The following ABCD3 variants were observed in gnomAD, a reference collection of about 807,000 sequenced individuals.
ABCD3 encodes the protein ATP binding cassette subfamily D member 3.
Under a neutral mutation model 105.5 loss-of-function variants are expected in ABCD3, and 41 were observed. The observed-to-expected ratio is 0.39, with a 90% CI of 0.30 to 0.50. ABCD3 has a LOEUF of 0.50. Ranked by LOEUF, ABCD3 falls within the 20% of genes least tolerant of loss-of-function variation. The pLI, the probability that ABCD3 is intolerant of heterozygous loss-of-function variation, is 0.84. For synonymous variants in ABCD3, 258 were observed against 269.0 expected (o/e 0.96, Z 0.40); for missense variants, 622 against 806.3 (o/e 0.77, Z 2.77).
chr1:94,456,733 A>G (rs377115122), intron 1 of ABCD3, among the ~76,000 whole-genome samples: 38 of 152,178 alleles, frequency 2.5e-4, no homozygotes, highest in African/African-American at 8.9e-4. Flanking sequence ...CCTCTTTGAG[A>G]TACTGATTTC....
intron 1 of ABCD3, among the ~76,000 whole-genome samples, chr1:94,423,830 A>G (rs1659364757): frequency 6.6e-6 from 1 of 151,946 alleles, no homozygotes; most frequent in South Asian, 2.1e-4. Context: ...GTTACTGCTA[A>G]CCCCTCTACA....
chr1:94,447,189 G>A (rs960304921), intron 1 of ABCD3, among the ~76,000 whole-genome samples: 2 of 152,166 alleles, frequency 1.3e-5, no homozygotes, highest in East Asian at 3.8e-4. Context: ...AGAAACTGGA[G>A]GCTTTAGAGA....
In ABCD3 at chr1:94,498,978, C is replaced by G; in HGVS notation, c.1564C>G (p.Gln522Glu). 1.9e-6 allele frequency: 3 copies of G among 1,613,874 alleles called. No homozygotes were observed. The highest frequency in any genetic ancestry group is 2.5e-6 in the Non-Finnish European group (3 of 1,179,948). ...PYMTLGTLRD[Q>E]VIYPDGREDQ... The stretch of plus-strand genomic sequence containing the variant: ...CATGACCCTTGGAACACTTCGAGAT[C>G]AAGTGATATATCCAGATGGACGAGA... The change falls in exon 19 of 23, where the codon CAA becomes GAA. Residue 522 changes from glutamine (Q) to glutamate (E), a missense_variant. Around this residue, in one of 4 missense-constraint regions of ABCD3, gnomAD observed 285 missense variants for 352.5 expected, o/e 0.81. Transcript: ENST00000370214.
intron 5 of ABCD3, among the ~76,000 whole-genome samples, chr1:94,474,816 G>A (rs567772786): frequency 1.7e-4 from 26 of 151,338 alleles, no homozygotes; most frequent in African/African-American, 6.3e-4. Context: ...AAATATAAAT[G>A]TCTGAACTCC....
intron 1 of ABCD3, among the ~76,000 whole-genome samples, chr1:94,424,025 G>A (rs1301066847): frequency 6.6e-6 from 1 of 152,140 alleles, no homozygotes; most frequent in African/African-American, 2.4e-5. Context: ...CCCATGAGTA[G>A]ATGTTATATG....
At chr1:94,422,667 G>C (rs1659304299) in intron 1 of ABCD3, among the ~76,000 whole-genome samples, 1 of 152,166 alleles carries the variant, frequency 6.6e-6, no homozygotes, top group Non-Finnish European at 1.5e-5. Context: ...TTTATAGAGA[G>C]GATAAATGAC....
At chr1:94,509,704 G>C (rs1333653582) in intron 21 of ABCD3, among the ~76,000 whole-genome samples, 1 of 151,974 alleles carries the variant, frequency 6.6e-6, no homozygotes, top group African/African-American at 2.4e-5. Flanking sequence ...ACTTCTTCCT[G>C]GTTTAGTCTT....
At chr1:94,417,457 A>G (rs1269758341), upstream of ABCD3, among the ~76,000 whole-genome samples, 2 of 152,236 alleles carry the variant, frequency 1.3e-5, no homozygotes, top group African/African-American at 4.8e-5. Context: ...GTTACTGTAT[A>G]TATGCTAGGC....
At chr1:94,450,514 A>G (rs1660539808) in intron 1 of ABCD3, among the ~76,000 whole-genome samples, 1 of 152,270 alleles carries the variant, frequency 6.6e-6, no homozygotes, top group South Asian at 2.1e-4. Context: ...AGCATGAGCG[A>G]TCTGTGCCTT....
chr1:94,496,040 A>T (rs1050982827), intron 16 of ABCD3, among the ~76,000 whole-genome samples: 1 of 152,230 alleles, frequency 6.6e-6, no homozygotes, highest in African/African-American at 2.4e-5. Context: ...CTTTTAGATC[A>T]ACTATGTGTT....
At chr1:94,395,767 T>TGTA in the ABCD3 span, among the ~76,000 whole-genome samples, 1 of 152,148 alleles carries the variant, frequency 6.6e-6, no homozygotes, top group Non-Finnish European at 1.5e-5. Flanking sequence ...TGTGGTTACC[T>TGTA]GTAGTAGTTC....
At chr1:94,498,388 T>A (rs965923260) in intron 16 of ABCD3, among the ~76,000 whole-genome samples, 2 of 151,744 alleles carry the variant, frequency 1.3e-5, no homozygotes, top group Non-Finnish European at 2.9e-5. Flanking sequence ...ATTTTTTAAG[T>A]GAAAAAAAAG....
chr1:94,403,036 G>T, the ABCD3 span, among the ~76,000 whole-genome samples: 3 of 141,520 alleles, frequency 2.1e-5, no homozygotes, highest in Non-Finnish European at 3.0e-5. Context: ...TCCCACCTAT[G>T]AGTGAGAATA....
intron 2 of ABCD3, among the ~76,000 whole-genome samples, chr1:94,464,184 A>T (rs368831632): frequency 6.6e-6 from 1 of 152,194 alleles, no homozygotes; most frequent in African/African-American, 2.4e-5. Flanking sequence ...GAGCTGCATA[A>T]GTGAAAGAAC....
intron 16 of ABCD3, among the ~76,000 whole-genome samples, chr1:94,497,781 C>T (rs917843520): frequency 6.6e-6 from 1 of 152,086 alleles, no homozygotes; most frequent in Non-Finnish European, 1.5e-5. Flanking sequence ...TGCAGATGAC[C>T]TAAATATTTA....
intron 1 of ABCD3, among the ~76,000 whole-genome samples, chr1:94,422,340 C>T (rs1204004856): frequency 6.6e-6 from 1 of 152,142 alleles, no homozygotes; most frequent in Non-Finnish European, 1.5e-5. Context: ...TTGTAAACTG[C>T]ACATGTGAGG....
intron 2 of ABCD3, among the ~76,000 whole-genome samples, chr1:94,461,553 T>C (rs1254896079): frequency 6.6e-6 from 1 of 152,092 alleles, no homozygotes; most frequent in Non-Finnish European, 1.5e-5. Context: ...ATGAATTGCA[T>C]GTATCATTCT....
At chr1:94,433,078 G>A (rs1012196172) in intron 1 of ABCD3, among the ~76,000 whole-genome samples, 9 of 151,232 alleles carry the variant, frequency 6.0e-5, no homozygotes, top group South Asian at 2.1e-4. Context: ...GGCTGGTCTC[G>A]AATTCCTGAC....
intron 4 of ABCD3, among the ~76,000 whole-genome samples, chr1:94,471,206 T>G (rs1432618699): frequency 6.6e-6 from 1 of 152,212 alleles, no homozygotes; most frequent in Non-Finnish European, 1.5e-5. Context: ...TATGAGTTTC[T>G]GAACCATTTT....
Sources: gnomAD v4.1 joint callset for allele counts (sites outside exome capture counted in the v4.1 genomes callset) on GRCh38, gnomAD v4.1.1 for gene constraint, gnomAD v4.1.1 regional missense constraint, MANE v1.5 for transcripts, NCBI Gene and HGNC (gene_info 2026-07-23, HGNC 2026-07-21) for gene names.